The following DDX4 variants were observed in gnomAD, a reference collection of about 807,000 sequenced individuals.
DDX4 encodes DEAD-box helicase 4, also known as probable ATP-dependent RNA helicase DDX4.
A neutral mutation model predicts 100.0 loss-of-function variants in DDX4; 25 were observed. The observed-to-expected ratio is 0.25, with a 90% confidence interval of 0.18 to 0.35. The LOEUF (loss-of-function observed/expected upper bound fraction) is 0.35. Among genes scored for constraint, DDX4 ranks in the 10% least tolerant of loss-of-function variants. The pLI is 1.00. For synonymous variants in DDX4, 259 were observed against 275.7 expected, an observed-to-expected ratio of 0.94 and a Z score of 0.60; for missense variants, 635 against 882.4, an observed-to-expected ratio of 0.72 and a Z score of 3.55.
At chr5:55,797,066 A>C (rs1413107262) in intron 17 of DDX4, among the ~76,000 whole-genome samples, 2 of 150,274 alleles carry the variant, frequency 1.3e-5, no homozygotes, top group African/African-American at 4.9e-5. Context: ...ATGGTCTCAA[A>C]CTCCTGGGCT....
intron 18 of DDX4, 144 bp from the exon 19 acceptor site, chr5:55,813,529 C>T: frequency 8.5e-7 from 1 of 1,170,848 alleles, no homozygotes; most frequent in Non-Finnish European, 1.1e-6. Context: ...TAGAGTCCCT[C>T]TTATGTACCA....
At chr5:55,785,234 G>A (rs1228499493) in intron 10 of DDX4, 63 bp from the exon 11 acceptor site, 6 of 1,159,720 alleles carry the variant, frequency 5.2e-6, no homozygotes, top group East Asian at 2.4e-5. Context: ...GACAAGCAAC[G>A]AAAATAAAGA....
chr5:55,766,433 G>GTTTTTTTTTTTTTTTTTTTTTTT (rs1740928560), intron 6 of DDX4, among the ~76,000 whole-genome samples: 1 of 144,482 alleles, frequency 6.9e-6, no homozygotes. Context: ...CAGATTAGTA[G>GTTTTTTTTTTTTTTTTTTTTTTT]TTTTGTTTTT....
intron 2 of DDX4, among the ~76,000 whole-genome samples, chr5:55,745,712 C>G (rs1561478852): frequency 6.6e-6 from 1 of 152,190 alleles, no homozygotes. Flanking sequence ...CGAGAGCCAC[C>G]ACACCCAGCC....
chr5:55,772,362 T>G (rs1319043806), intron 7 of DDX4, among the ~76,000 whole-genome samples: 1 of 152,196 alleles, frequency 6.6e-6, no homozygotes, highest in African/African-American at 2.4e-5. Flanking sequence ...CAGGGCTGCC[T>G]TTGTCCTAAA....
At chr5:55,756,921 T>C (rs2111739332) in intron 3 of DDX4, among the ~76,000 whole-genome samples, 1 of 151,786 alleles carries the variant, frequency 6.6e-6, no homozygotes, top group Admixed American at 6.5e-5. Flanking sequence ...TATATATCAA[T>C]GACAGCATAT....
intron 18 of DDX4, 23 bp from the exon 19 acceptor site, chr5:55,813,650 T>C: frequency 6.6e-7 from 1 of 1,525,294 alleles, no homozygotes. Context: ...AGTTTGAATA[T>C]TAATAATTTC....
intron 17 of DDX4, among the ~76,000 whole-genome samples, chr5:55,798,177 T>C (rs1743080289): frequency 6.6e-6 from 1 of 152,198 alleles, no homozygotes; most frequent in Non-Finnish European, 1.5e-5. Context: ...GGATAGCAAA[T>C]CCACTTGTAA....
At position 55,778,518 on chromosome 5, in the gene DDX4, G is replaced by GAAATA. The variant is rs538578833; in HGVS notation, c.395-1445_395-1441dup. Among the ~76,000 whole-genome samples the GAAATA allele has an allele frequency of 2.0e-5, 3 of 152,266 alleles. No individual in the cohort carries two copies. The South Asian group carries it at 6.2e-4, about 32-fold the overall frequency. On this transcript the variant is annotated intron_variant, in intron 7 of 21. Coordinates refer to ENST00000505374, the MANE Select transcript of DDX4 (RefSeq NM_024415.3). ...AATAAAAAAGGTAGTAGACATAAAT[G>GAAATA]AAATAGAAACAGATACAATAGAGTG... is the stretch of plus-strand genomic sequence containing the variant.
rs1329168156 is a variant in DDX4, at chr5:55,764,052, G to T, written c.322G>T (p.Gly108Cys). The T allele has an allele frequency of 6.2e-7, 1 of 1,609,228 alleles. No homozygotes were observed. The highest frequency in any genetic ancestry group is 8.5e-7 in the Non-Finnish European group (1 of 1,176,058). Reference sequence around the variant, plus strand: ...CAGGTTTGAAGATGGTGATAGCTCTGGTTTCTGGAGAGGTAAGGTTGATAT... The same window carrying T: ...CAGGTTTGAAGATGGTGATAGCTCTTGTTTCTGGAGAGGTAAGGTTGATAT... ...NSRFEDGDSS[G>C]FWRESSNDCE... Residue 108 changes from glycine to cysteine, a missense_variant, in exon 6 of 22, where the codon GGT (glycine) becomes TGT (cysteine). Physicochemically the swap from Gly to Cys is radical, Grantham distance 159 (BLOSUM62 -3). Transcript: ENST00000505374.
chr5:55,788,449 C>T (rs577634371), intron 15 of DDX4, among the ~76,000 whole-genome samples: 47 of 152,122 alleles, frequency 3.1e-4, no homozygotes, highest in African/African-American at 1.0e-3. Context: ...ACACTCAGAG[C>T]GAGACCCTGT....
intron 13 of DDX4, 52 bp from the exon 14 acceptor site, chr5:55,786,466 G>T (rs1742255677): frequency 1.4e-6 from 2 of 1,380,164 alleles, no homozygotes; most frequent in African/African-American, 1.5e-5. Flanking sequence ...GCTTATAAAT[G>T]ATCTGCATAT....
intron 18 of DDX4, among the ~76,000 whole-genome samples, chr5:55,802,907 C>CA (rs1358978952): frequency 2.0e-5 from 3 of 151,896 alleles, no homozygotes; most frequent in Non-Finnish European, 2.9e-5. Context: ...AAATACTAGG[C>CA]AAAAAATCTG....
intron 18 of DDX4, among the ~76,000 whole-genome samples, chr5:55,803,398 A>G (rs1350057604): frequency 6.7e-6 from 1 of 150,334 alleles, no homozygotes; most frequent in Non-Finnish European, 1.5e-5. Context: ...ATATGTATAC[A>G]TGTGCCATGC....
chr5:55,741,439 A>G (rs1266402688), intron 2 of DDX4, among the ~76,000 whole-genome samples: 1 of 152,104 alleles, frequency 6.6e-6, no homozygotes, highest in African/African-American at 2.4e-5. Context: ...TGCTTAGTTG[A>G]CTCGAAGGAA....
intron 7 of DDX4, chr5:55,773,039 T>C (rs1741347501): frequency 6.6e-6 from 1 of 152,252 alleles, no homozygotes; most frequent in Admixed American, 6.5e-5. Context: ...CAAAATGCTA[T>C]AAACTGGGTA....
chr5:55,789,637 A>G lies in DDX4; in HGVS notation c.1173-939A>G, dbSNP rs190946023. On this transcript the variant is annotated intron_variant, in intron 15 of 21. Coordinates refer to ENST00000505374, the MANE Select transcript of DDX4 (RefSeq NM_024415.3). The stretch of plus-strand genomic sequence containing the variant: ...GACCCCACTCAGGAGTGGCTATATT[A>G]TAATTTATTGGAACTAGTGCAAAAT... 2.3e-3 allele frequency among the ~76,000 whole-genome samples: 348 copies of G among 152,336 alleles called. 1 individual carries two copies. The highest frequency in any genetic ancestry group is 1.6e-3 in the Non-Finnish European group (109 of 68,034).
At chr5:55,761,485 G>A (rs952985647) in intron 4 of DDX4, among the ~76,000 whole-genome samples, 3 of 151,988 alleles carry the variant, frequency 2.0e-5, no homozygotes, top group African/African-American at 7.2e-5. Context: ...TAAAATTTCC[G>A]ATCAGAACTC....
At chr5:55,770,115 C>T (rs1741163285) in intron 7 of DDX4, among the ~76,000 whole-genome samples, 1 of 152,158 alleles carries the variant, frequency 6.6e-6, no homozygotes, top group Non-Finnish European at 1.5e-5. Context: ...GAGCTGTCAC[C>T]TCAGCCTCCC....
Sources: gnomAD v4.1 joint callset for allele counts (sites outside exome capture counted in the v4.1 genomes callset) on GRCh38, gnomAD v4.1.1 for gene constraint, MANE v1.5 for transcripts, NCBI Gene and HGNC (gene_info 2026-07-23, HGNC 2026-07-21) for gene names.